Variants in KCNIP4 observed in about 807,000 individuals in gnomAD.
The protein encoded by KCNIP4 is potassium voltage-gated channel interacting protein 4.
In KCNIP4, 12 loss-of-function variants were observed where a neutral mutation model predicts 34.0. The observed-to-expected ratio is 0.35, with a 90% confidence interval of 0.23 to 0.57. The LOEUF (loss-of-function observed/expected upper bound fraction) is 0.57. KCNIP4 is among the 20% of genes least tolerant of loss of function. The probability of loss-of-function intolerance (pLI) is 0.83; values close to 1 mark genes in which losing one functional copy is unlikely to be tolerated. For missense variants in KCNIP4, 238 were observed against 311.7 expected, an observed-to-expected ratio of 0.76 and a Z score of 1.78; for synonymous variants, 124 against 102.2, an observed-to-expected ratio of 1.21 and a Z score of -1.29.
chr4:21,548,497 G>A (rs1577575767), intron 1 of KCNIP4, among the ~76,000 whole-genome samples: 1 of 152,010 alleles, frequency 6.6e-6, no homozygotes, highest in African/African-American at 2.4e-5. Context: ...ACACATCACT[G>A]TTGCATATAA....
intron 1 of KCNIP4, among the ~76,000 whole-genome samples, chr4:21,879,071 C>A (rs1302741380): frequency 6.6e-6 from 1 of 152,098 alleles, no homozygotes; most frequent in Non-Finnish European, 1.5e-5. Flanking sequence ...AGAGCTCTTT[C>A]TTTCATAAAA....
chr4:20,754,475 G>A (rs757062401), intron 4 of KCNIP4, among the ~76,000 whole-genome samples: 17 of 152,096 alleles, frequency 1.1e-4, no homozygotes, highest in Non-Finnish European at 2.4e-4. Context: ...ACATGAATTC[G>A]CCTGCCATCA....
intron 3 of KCNIP4, among the ~76,000 whole-genome samples, chr4:20,816,740 G>A (rs1716434440): frequency 6.6e-6 from 1 of 152,186 alleles, no homozygotes; most frequent in African/African-American, 2.4e-5. Context: ...AAGCAACACT[G>A]AAAGAACCGT....
chr4:20,774,623 T>C (rs1309830296), intron 3 of KCNIP4, among the ~76,000 whole-genome samples: 1 of 152,192 alleles, frequency 6.6e-6, no homozygotes, highest in East Asian at 1.9e-4. Flanking sequence ...CAGTTACAGT[T>C]GCGATAAGTG....
intron 1 of KCNIP4, chr4:21,845,516 T>A (rs1302426727): frequency 2.0e-5 from 3 of 152,098 alleles, no homozygotes; most frequent in African/African-American, 7.2e-5. Flanking sequence ...CCACGATTCT[T>A]AGAAAATTCT....
At chr4:21,217,666 G>A (rs1757685920) in intron 1 of KCNIP4, among the ~76,000 whole-genome samples, 1 of 152,120 alleles carries the variant, frequency 6.6e-6, no homozygotes, top group Non-Finnish European at 1.5e-5. Context: ...AGTGGGATAT[G>A]GTGGTAGATT....
At position 20,758,863 on chromosome 4, in the gene KCNIP4, C is replaced by G; in HGVS notation, c.316G>C (p.Glu106Gln). ...TGCGAGTAAATCTCTTTGAAGGTTT[C>G]TTCATTAACAACACCACTGGGGCAT... ...NECPSGVVNE[E>Q]TFKEIYSQFF... Residue 106 changes from glutamate to glutamine, a missense_variant, in exon 4 of 9, where the codon GAA becomes CAA. By Grantham distance (29) the Glu-to-Gln change is conservative. Coordinates refer to ENST00000382152, the MANE Select transcript of KCNIP4 (RefSeq NM_025221.6). The G allele has an allele frequency of 1.9e-6, 3 of 1,613,250 alleles. No individual in the cohort carries two copies. Among genetic ancestry groups the G allele is most frequent in the Non-Finnish European group, 2.5e-6 (3 of 1,179,416 alleles).
chr4:21,934,196 C>T (rs1171277395), intron 1 of KCNIP4, among the ~76,000 whole-genome samples: 1 of 151,988 alleles, frequency 6.6e-6, no homozygotes, highest in Non-Finnish European at 1.5e-5. Context: ...AATCTCTTTG[C>T]CCAGGATAAG....
intron 1 of KCNIP4, among the ~76,000 whole-genome samples, chr4:21,240,766 G>T (rs1295036499): frequency 6.6e-6 from 1 of 152,132 alleles, no homozygotes; most frequent in Non-Finnish European, 1.5e-5. Context: ...ACCTTCCCCA[G>T]CATTTCTGAA....
At chr4:20,743,889 T>C (rs1293572897) in intron 5 of KCNIP4, among the ~76,000 whole-genome samples, 3 of 150,716 alleles carry the variant, frequency 2.0e-5, no homozygotes, top group African/African-American at 4.9e-5. Flanking sequence ...AGGGCTAATA[T>C]CCAGAATCTA....
At chr4:21,573,023 T>C (rs1740477134) in intron 1 of KCNIP4, among the ~76,000 whole-genome samples, 1 of 152,196 alleles carries the variant, frequency 6.6e-6, no homozygotes, top group South Asian at 2.1e-4. Context: ...CTTCATCTTT[T>C]CAGCAAACTT....
At chr4:20,967,328 C>A (rs1280915421) in intron 1 of KCNIP4, among the ~76,000 whole-genome samples, 1 of 152,108 alleles carries the variant, frequency 6.6e-6, no homozygotes, top group African/African-American at 2.4e-5. Context: ...TAGGAAGAAT[C>A]AATATCGTGA....
intron 1 of KCNIP4, among the ~76,000 whole-genome samples, chr4:21,411,418 G>A (rs949277056): frequency 6.6e-6 from 1 of 152,100 alleles, no homozygotes; most frequent in Non-Finnish European, 1.5e-5. Flanking sequence ...TTGGCTGATG[G>A]TTCTCAACAA....
chr4:20,814,070 G>GT (rs1051576712), intron 3 of KCNIP4, among the ~76,000 whole-genome samples: 8 of 152,088 alleles, frequency 5.3e-5, no homozygotes, highest in East Asian at 3.9e-4. Context: ...CATTTTCCTA[G>GT]TTTTTTTTCT....
At chr4:21,891,046 A>G (rs554877939) in intron 1 of KCNIP4, among the ~76,000 whole-genome samples, 1 of 152,046 alleles carries the variant, frequency 6.6e-6, no homozygotes, top group African/African-American at 2.4e-5. Flanking sequence ...AACAGCCTAG[A>G]TACTCTGTAT....
chr4:21,885,884 C>T (rs1726735857), intron 1 of KCNIP4, among the ~76,000 whole-genome samples: 1 of 152,084 alleles, frequency 6.6e-6, no homozygotes, highest in African/African-American at 2.4e-5. Flanking sequence ...TGAGAATATT[C>T]GCACTGAAAT....
intron 1 of KCNIP4, among the ~76,000 whole-genome samples, chr4:21,054,594 T>C (rs1278603399): frequency 6.6e-6 from 1 of 150,690 alleles, no homozygotes; most frequent in African/African-American, 2.4e-5. Context: ...CCACATAAAT[T>C]AGTCAACTGG....
At chr4:20,951,959 A>G (rs1183730723) in intron 1 of KCNIP4, among the ~76,000 whole-genome samples, 2 of 152,228 alleles carry the variant, frequency 1.3e-5, no homozygotes, top group Non-Finnish European at 2.9e-5. Flanking sequence ...TCCAACAACA[A>G]TAATAATATA....
At chr4:20,955,914 T>C (rs747449787) in intron 1 of KCNIP4, among the ~76,000 whole-genome samples, 1 of 152,226 alleles carries the variant, frequency 6.6e-6, no homozygotes, top group Admixed American at 6.5e-5. Flanking sequence ...GTGCTTATTA[T>C]TGGAATGGAA....
Sources: allele counts gnomAD v4.1 joint callset (sites outside exome capture counted in the v4.1 genomes callset), GRCh38; gene constraint gnomAD v4.1.1; transcripts MANE v1.5; gene names NCBI Gene and HGNC (gene_info 2026-07-23, HGNC 2026-07-21).